The following HNF4G variants were observed in gnomAD, a reference collection of about 807,000 sequenced individuals.
HNF4G encodes hepatocyte nuclear factor 4-gamma.
In HNF4G, 21 loss-of-function variants were observed where a neutral mutation model predicts 50.9. The ratio of observed to expected loss-of-function variants is 0.41; its 90% CI spans 0.29 to 0.59. The LOEUF (loss-of-function observed/expected upper bound fraction) is 0.59. Ranked by LOEUF, HNF4G falls within the 20% of genes least tolerant of loss-of-function variation. The pLI, the probability that HNF4G is intolerant of heterozygous loss-of-function variation, is 0.26. For missense variants in HNF4G, 527 were observed against 559.4 expected (o/e 0.94, Z 0.58); for synonymous variants, 198 against 185.6 (o/e 1.07, Z -0.54).
chr8:75,541,031 C>T (rs1200969559), intron 1 of HNF4G, among the ~76,000 whole-genome samples: 1 of 152,102 alleles, frequency 6.6e-6, no homozygotes, highest in Admixed American at 6.6e-5. Context: ...AAGGTGAATT[C>T]TGAAAATTTA....
chr8:75,431,911 A>G (rs1486397173), intron 1 of HNF4G, among the ~76,000 whole-genome samples: 1 of 151,202 alleles, frequency 6.6e-6, no homozygotes, highest in East Asian at 1.9e-4. Flanking sequence ...GGGCAACAAG[A>G]GTGAAACTCC....
rs562380620 is a variant in HNF4G at position 75,525,323 on chromosome 8, C to T, written c.-23-18488C>T. On this transcript the variant is annotated intron_variant, in intron 2 of 10. Coordinates refer to the HNF4G transcript ENST00000354370. ...AGCTGGGATTACAGGCACTCGCCAC[C>T]ATGCCCGGCTAATTTTTTGTATTTT... Among the ~76,000 whole-genome samples, 8 of 152,282 alleles carry T rather than the reference C, an allele frequency of 5.3e-5. No individual in the cohort carries two copies. The East Asian group carries it at 1.2e-3, about 22-fold the overall frequency.
intron 1 of HNF4G, among the ~76,000 whole-genome samples, chr8:75,479,440 C>G (rs1172609969): frequency 1.3e-5 from 2 of 151,994 alleles, no homozygotes; most frequent in Admixed American, 1.3e-4. Context: ...TCAAATCTGG[C>G]AGAGCCCAGA....
In HNF4G at chr8:75,539,987, C is replaced by T. The variant is rs1360762366; in HGVS notation, c.25C>T (p.Leu9=). The T allele has an allele frequency of 1.3e-6, 2 of 1,584,846 alleles. No homozygotes were observed. Among genetic ancestry groups the T allele is most frequent in the Non-Finnish European group, 1.7e-6 (2 of 1,153,522 alleles). Residue 9 remains leucine (L), a synonymous_variant, in exon 1 of 10, where the codon CTG becomes TTG. Transcript: ENST00000396423. ...AATGATGAGGGTATCAGAACCAATA[C>T]TGGACATGGACATGGCAAATTACAG... MMRVSEPI[L]DMDMANYSEV...
intron 2 of HNF4G, among the ~76,000 whole-genome samples, chr8:75,493,650 T>C (rs537803389): frequency 1.3e-5 from 2 of 152,318 alleles, no homozygotes; most frequent in African/African-American, 2.4e-5. Flanking sequence ...TTAAATTTTC[T>C]GTTTTATCTA....
chr8:75,481,455 A>G (rs879484432), intron 1 of HNF4G, among the ~76,000 whole-genome samples: 1 of 151,936 alleles, frequency 6.6e-6, no homozygotes, highest in Non-Finnish European at 1.5e-5. Flanking sequence ...GCCAGGAAAA[A>G]ACTTTCGTTC....
intron 2 of HNF4G, among the ~76,000 whole-genome samples, chr8:75,503,974 T>A (rs1812997205): frequency 6.6e-6 from 1 of 151,994 alleles, no homozygotes; most frequent in Non-Finnish European, 1.5e-5. Flanking sequence ...AAATTCTGGG[T>A]GTATTGGGAG....
At chr8:75,534,471 A>G (rs1806409396) in intron 2 of HNF4G, among the ~76,000 whole-genome samples, 1 of 151,868 alleles carries the variant, frequency 6.6e-6, no homozygotes, top group Non-Finnish European at 1.5e-5. Flanking sequence ...GAGCTGTGCA[A>G]TCATCATTTT....
At chr8:75,417,732 C>T (rs1159304967) in intron 1 of HNF4G, among the ~76,000 whole-genome samples, 6 of 152,102 alleles carry the variant, frequency 3.9e-5, no homozygotes, top group Non-Finnish European at 7.4e-5. Flanking sequence ...ACTGATATTT[C>T]ATGTGTAAAT....
chr8:75,526,774 T>G (rs897825188), intron 2 of HNF4G, among the ~76,000 whole-genome samples: 7 of 151,732 alleles, frequency 4.6e-5, no homozygotes, highest in Non-Finnish European at 1.0e-4. Flanking sequence ...GCATTCTTTT[T>G]TTTTTTCTTT....
chr8:75,512,710 C>T (rs937993794), intron 2 of HNF4G, among the ~76,000 whole-genome samples: 1 of 151,976 alleles, frequency 6.6e-6, no homozygotes, highest in Non-Finnish European at 1.5e-5. Flanking sequence ...GAGATCCGCC[C>T]GCCTCCACCT....
At chr8:75,471,649 C>T (rs968036560) in intron 1 of HNF4G, among the ~76,000 whole-genome samples, 5 of 152,194 alleles carry the variant, frequency 3.3e-5, no homozygotes, top group Admixed American at 2.0e-4. Flanking sequence ...TTAAAGGAGG[C>T]AGTTTGGTGT....
intron 1 of HNF4G, among the ~76,000 whole-genome samples, chr8:75,421,720 C>A (rs527578447): frequency 6.6e-6 from 1 of 152,090 alleles, no homozygotes; most frequent in Non-Finnish European, 1.5e-5. Flanking sequence ...GGCTTCACCC[C>A]GGGACTCAGT....
intron 2 of HNF4G, among the ~76,000 whole-genome samples, chr8:75,504,676 A>C (rs1293473923): frequency 6.6e-6 from 1 of 152,150 alleles, no homozygotes; most frequent in Non-Finnish European, 1.5e-5. Flanking sequence ...ACATTTTCCA[A>C]TGTTAGTTTT....
chr8:75,554,654 T>C (rs549250892), intron 5 of HNF4G, among the ~76,000 whole-genome samples: 9 of 152,294 alleles, frequency 5.9e-5, no homozygotes, highest in Admixed American at 5.2e-4. Context: ...TTTTAGGAAC[T>C]GTGGGTATTT....
intron 3 of HNF4G, among the ~76,000 whole-genome samples, chr8:75,549,390 A>G (rs962569845): frequency 2.0e-5 from 3 of 152,146 alleles, no homozygotes; most frequent in Admixed American, 6.5e-5. Context: ...CTTAGCTAAC[A>G]TCTTAATTTT....
upstream of HNF4G, among the ~76,000 whole-genome samples, chr8:75,536,485 AG>A (rs1166600273): frequency 1.3e-5 from 2 of 152,048 alleles, no homozygotes; most frequent in East Asian, 3.9e-4. Context: ...AATCTAATGT[AG>A]CCTTAATGAA....
chr8:75,419,904 A>G (rs1350405938), intron 1 of HNF4G, among the ~76,000 whole-genome samples: 1 of 152,194 alleles, frequency 6.6e-6, no homozygotes, highest in Non-Finnish European at 1.5e-5. Context: ...CTAATATGGG[A>G]TACTACCACT....
In HNF4G at chr8:75,565,133, G is replaced by A. The variant is rs2941481; in HGVS notation, c.*1037G>A. 0.54 allele frequency: 81,361 copies of A among 152,034 alleles called. 22,920 individuals carry two copies. Among genetic ancestry groups the A allele is most frequent in the African/African-American group, 0.72 (29,908 of 41,492 alleles). 9.4% of individuals were successfully genotyped at this position (152,034 alleles called of 1,614,324 possible). ...CATAACCAAAGTTCACAAACATAAC[G>A]AGTGAGAGAAACACATTCAAGCCCA... On this transcript the variant is annotated 3_prime_UTR_variant, in exon 10 of 10. Coordinates refer to ENST00000396423, the MANE Select transcript of HNF4G (RefSeq NM_004133.5).
Sources: allele counts gnomAD v4.1 joint callset (sites outside exome capture counted in the v4.1 genomes callset), GRCh38; gene constraint gnomAD v4.1.1; transcripts MANE v1.5; gene names NCBI Gene and HGNC (gene_info 2026-07-23, HGNC 2026-07-21).